RRM2: variants seen among roughly 807,000 people sequenced by gnomAD.
RRM2 encodes the protein ribonucleoside-diphosphate reductase subunit M2.
In RRM2, 6 loss-of-function variants were observed where a neutral mutation model predicts 45.9. The ratio of observed to expected loss-of-function variants is 0.13; its 90% confidence interval spans 0.07 to 0.26. RRM2 has a LOEUF of 0.26. Among genes scored for constraint, RRM2 ranks in the 10% least tolerant of loss-of-function variants. The pLI, the probability that RRM2 is intolerant of heterozygous loss-of-function variation, is 1.00. For synonymous variants in RRM2, 177 were observed against 173.0 expected (o/e 1.02, Z -0.18); for missense variants, 343 against 489.5 (o/e 0.70, Z 2.82).
At chr2:10,151,021 G>T (rs1382372903) in intron 3 of RRM2, among the ~76,000 whole-genome samples, 1 of 152,008 alleles carries the variant, frequency 6.6e-6, no homozygotes, top group African/African-American at 2.4e-5. Context: ...CACCATGTTG[G>T]CCAGGCTGGT....
intron 3 of RRM2, among the ~76,000 whole-genome samples, chr2:10,206,488 G>A (rs952732499): frequency 1.3e-5 from 2 of 152,278 alleles, no homozygotes; most frequent in Admixed American, 1.3e-4. Context: ...GTATGAACAA[G>A]AGGTAGAATG....
intron 3 of RRM2, among the ~76,000 whole-genome samples, chr2:10,178,679 A>C (rs534044701): frequency 4.2e-4 from 64 of 152,334 alleles, no homozygotes; most frequent in African/African-American, 1.4e-3. Context: ...CAGTCGGCAT[A>C]GTTCTCTGGA....
At chr2:10,182,538 C>T (rs1245837808) in intron 3 of RRM2, among the ~76,000 whole-genome samples, 4 of 152,144 alleles carry the variant, frequency 2.6e-5, no homozygotes, top group South Asian at 2.1e-4. Flanking sequence ...AGAAGCTGGA[C>T]GCTAGTCCCA....
At chr2:10,178,314 C>T (rs1663975319) in intron 3 of RRM2, among the ~76,000 whole-genome samples, 1 of 151,030 alleles carries the variant, frequency 6.6e-6, no homozygotes. Flanking sequence ...CCTCCACCTC[C>T]TGGGTTCAAG....
intron 3 of RRM2, among the ~76,000 whole-genome samples, chr2:10,164,862 G>A (rs1013940374): frequency 4.6e-5 from 7 of 152,184 alleles, no homozygotes; most frequent in African/African-American, 1.7e-4. Flanking sequence ...GCAGCCAGGC[G>A]CACGGGGGAA....
intron 4 of RRM2, chr2:10,124,258 A>T (rs953258986): frequency 4.0e-6 from 1 of 250,210 alleles, no homozygotes; most frequent in African/African-American, 2.3e-5. Flanking sequence ...GACGTGCGCC[A>T]CCATGCCTAG....
rs377521772 is a variant in RRM2, at chr2:10,154,992, G to C, written n.482+12617G>C. The C allele has an allele frequency of 3.1e-5, 5 of 163,010 alleles. No individual in the cohort carries two copies. In the Admixed American group the frequency reaches 3.2e-4, roughly 11 times the overall value. The allele number at this position is 163,010 out of a possible 1,614,324, so 10.1% of individuals were successfully genotyped here. On this transcript the variant is annotated intron_variant and non_coding_transcript_variant, in intron 3 of 3. Transcript: ENST00000381786. ...ATTACAGGCATGAGCCACTGTGCCCGGGCTGTAAGTTCCTGATTCTTAAGC... is the reference window on the plus strand; with the variant it reads ...ATTACAGGCATGAGCCACTGTGCCCCGGCTGTAAGTTCCTGATTCTTAAGC...
intron 3 of RRM2, among the ~76,000 whole-genome samples, chr2:10,170,980 G>A (rs1402644558): frequency 6.6e-6 from 1 of 152,220 alleles, no homozygotes; most frequent in Non-Finnish European, 1.5e-5. Flanking sequence ...CAGGCACCTC[G>A]GGGCTGCAAG....
chr2:10,124,097 A>G, intron 4 of RRM2: 1 of 459,820 alleles, frequency 2.2e-6, no homozygotes, highest in Non-Finnish European at 3.8e-6. Flanking sequence ...TGGCCACCAC[A>G]TCTGCCCCCT....
At chr2:10,135,004 A>G (rs1463656855), downstream of RRM2, among the ~76,000 whole-genome samples, 1 of 152,250 alleles carries the variant, frequency 6.6e-6, no homozygotes, top group Non-Finnish European at 1.5e-5. Context: ...CATTAAACGA[A>G]TGTTTCAACG....
intron 3 of RRM2, among the ~76,000 whole-genome samples, chr2:10,163,316 G>A (rs2125319607): frequency 7.1e-6 from 1 of 140,168 alleles, no homozygotes; most frequent in African/African-American, 2.6e-5. Flanking sequence ...TGGGCAGAGT[G>A]GGGAAAAGAC....
exon 4 of RRM2, chr2:10,210,788 G>T: frequency 2.6e-6 from 1 of 388,760 alleles, no homozygotes; most frequent in South Asian, 2.1e-5. Flanking sequence ...CCAATGTGAT[G>T]GTGTCAGGAG....
intron 3 of RRM2, among the ~76,000 whole-genome samples, chr2:10,208,063 ATAGT>A (rs920100401): frequency 1.1e-4 from 17 of 152,222 alleles, no homozygotes; most frequent in African/African-American, 4.1e-4. Flanking sequence ...GTATAAATGA[ATAGT>A]AAGTAAGAGC....
intron 3 of RRM2, among the ~76,000 whole-genome samples, chr2:10,194,430 C>T (rs1304389748): frequency 6.6e-6 from 1 of 152,264 alleles, no homozygotes; most frequent in Non-Finnish European, 1.5e-5. Flanking sequence ...TCCTACTCCC[C>T]AGCTTGTGCG....
intron 7 of RRM2, 102 bp from the exon 8 acceptor site, chr2:10,128,746 C>A: frequency 3.7e-6 from 3 of 808,100 alleles, no homozygotes; most frequent in Non-Finnish European, 6.3e-6. Flanking sequence ...TATGGCTGAG[C>A]ATGTTGGATA....
rs192207235 is a variant in RRM2 at position 10,150,712 on chromosome 2, C to T, written n.482+8337C>T. Among the ~76,000 whole-genome samples, 453 of 149,580 alleles carry T rather than the reference C, an allele frequency of 3.0e-3. 4 individuals carry two copies. Among genetic ancestry groups the T allele is most frequent in the African/African-American group, 0.011 (430 of 40,630 alleles). On this transcript the variant is annotated intron_variant and non_coding_transcript_variant, in intron 3 of 3. Transcript: ENST00000381786. ...ATTTTCAGACAAACTGACTGCTTTC[C>T]GTCGCCAGAGTTTACATTTTCTAGA...
chr2:10,182,787 T>C (rs7584303), intron 3 of RRM2, among the ~76,000 whole-genome samples: 40,333 of 152,076 alleles, frequency 0.27, 6,261 homozygotes, highest in Non-Finnish European at 0.36. Context: ...CATCCTTTTG[T>C]CCAGTGTCCT....
rs149374761 is a variant in RRM2, at chr2:10,210,498, G to A, written n.670G>A. 6 of 1,367,632 alleles carry A rather than the reference G, an allele frequency of 4.4e-6. No individual in the cohort carries two copies. The African/African-American group carries it at 5.9e-5, about 13-fold the overall frequency. 84.7% of individuals were successfully genotyped at this position (1,367,632 alleles called of 1,614,324 possible). ...GGGAACTCACCAAGAATGCACAGAG[G>A]GCGCTGGGCTCCAAGCTTCAGCATA... On this transcript the variant is annotated non_coding_transcript_exon_variant, in exon 4 of 4. Coordinates refer to the RRM2 transcript ENST00000381786.
rs562073717 is a variant in RRM2 at position 10,159,809 on chromosome 2, G to C, written n.482+17434G>C. On this transcript the variant is annotated intron_variant and non_coding_transcript_variant, in intron 3 of 3. Transcript: ENST00000381786. ...GAGAAGAGCCCAGCGTTTCAGAAAC[G>C]CTGGCTTGAAGGAGCCCTGGGAGCC... is the stretch of plus-strand genomic sequence containing the variant. 5.3e-5 allele frequency among the ~76,000 whole-genome samples: 8 copies of C among 152,270 alleles called. No homozygotes were observed. The East Asian group carries it at 9.7e-4, about 18-fold the overall frequency.
Sources: gnomAD v4.1 joint callset for allele counts (sites outside exome capture counted in the v4.1 genomes callset) on GRCh38, gnomAD v4.1.1 for gene constraint, MANE v1.5 for transcripts, NCBI Gene and HGNC (gene_info 2026-07-23, HGNC 2026-07-21) for gene names.